Variants in NPSR1 observed in about 807,000 individuals in gnomAD.
NPSR1 encodes neuropeptide S receptor.
In NPSR1, 48 loss-of-function variants were observed where a neutral mutation model predicts 46.9. The ratio of observed to expected loss-of-function variants is 1.02; its 90% confidence interval spans 0.81 to 1.30. The LOEUF (loss-of-function observed/expected upper bound fraction) is 1.30, where lower values mean the gene tolerates loss of function less well. Among genes scored for constraint, NPSR1 ranks in the 50% most tolerant of loss-of-function variants. NPSR1 has a pLI of 0.00. For synonymous variants in NPSR1, 176 were observed against 168.1 expected (o/e 1.05, Z -0.36); for missense variants, 450 against 449.5 (o/e 1.00, Z -0.01).
chr7:34,754,491 A>T (rs569180886), intron 2 of NPSR1, among the ~76,000 whole-genome samples: 1 of 152,276 alleles, frequency 6.6e-6, no homozygotes, highest in South Asian at 2.1e-4. Context: ...CACCCAAATC[A>T]AGAAATGTTA....
chr7:34,855,579 T>C (rs1791031923), intron 8 of NPSR1, among the ~76,000 whole-genome samples: 1 of 152,284 alleles, frequency 6.6e-6, no homozygotes, highest in Non-Finnish European at 1.5e-5. Context: ...AATGTCTTCA[T>C]TGGTGAGCTG....
intron 2 of NPSR1, among the ~76,000 whole-genome samples, chr7:34,724,469 G>A (rs1206853527): frequency 2.6e-5 from 4 of 152,212 alleles, no homozygotes; most frequent in African/African-American, 9.6e-5. Flanking sequence ...GTGAGGAAAA[G>A]GTGGGTTCAG....
intron 3 of NPSR1, among the ~76,000 whole-genome samples, chr7:34,783,190 A>G (rs1787309927): frequency 6.6e-6 from 1 of 152,182 alleles, no homozygotes; most frequent in South Asian, 2.1e-4. Context: ...TCATACTGCT[A>G]TAAGAATGTA....
At chr7:34,689,997 C>T (rs1204905098) in intron 2 of NPSR1, among the ~76,000 whole-genome samples, 1 of 151,486 alleles carries the variant, frequency 6.6e-6, no homozygotes, top group African/African-American at 2.4e-5. Context: ...GATGACATAA[C>T]TGCACAGCAC....
intron 3 of NPSR1, among the ~76,000 whole-genome samples, chr7:34,790,988 A>AT (rs1787786559): frequency 1.1e-5 from 1 of 92,682 alleles, no homozygotes; most frequent in East Asian, 3.2e-4. Flanking sequence ...ATGTTATATT[A>AT]TATATGTTAT....
chr7:34,710,532 G>T (rs916750755), intron 2 of NPSR1, among the ~76,000 whole-genome samples: 8 of 152,156 alleles, frequency 5.3e-5, no homozygotes, highest in African/African-American at 1.9e-4. Flanking sequence ...TAAATGATGG[G>T]CAGGTTTCCC....
chr7:34,810,869 C>A (rs541663709), intron 3 of NPSR1, among the ~76,000 whole-genome samples: 3 of 152,292 alleles, frequency 2.0e-5, no homozygotes, highest in South Asian at 4.1e-4. Context: ...ACTCTGCTTC[C>A]TGGTGTGGAG....
chr7:34,876,320 T>C (rs952586807), intron 8 of NPSR1, among the ~76,000 whole-genome samples: 4 of 152,224 alleles, frequency 2.6e-5, no homozygotes, highest in East Asian at 1.9e-4. Flanking sequence ...CTTATGCTTT[T>C]TGGATCTCAT....
chr7:34,662,732 T>C (rs1365887144), intron 1 of NPSR1, among the ~76,000 whole-genome samples: 1 of 152,196 alleles, frequency 6.6e-6, no homozygotes, highest in Non-Finnish European at 1.5e-5. Context: ...CCAGACCTAG[T>C]GCTCTGCTTT....
intron 2 of NPSR1, among the ~76,000 whole-genome samples, chr7:34,774,534 G>T (rs768161231): frequency 2.6e-5 from 4 of 152,202 alleles, no homozygotes; most frequent in African/African-American, 9.7e-5. Flanking sequence ...ATTATCAGCT[G>T]TTCCATCTTG....
At chr7:34,722,373 GA>G (rs1369846165) in intron 2 of NPSR1, among the ~76,000 whole-genome samples, 3 of 152,108 alleles carry the variant, frequency 2.0e-5, no homozygotes, top group African/African-American at 7.2e-5. Flanking sequence ...TTCTACTTTG[GA>G]AAAATATGTC....
At chr7:34,722,243 CA>C (rs1387758426) in intron 2 of NPSR1, among the ~76,000 whole-genome samples, 1 of 151,906 alleles carries the variant, frequency 6.6e-6, no homozygotes, top group Non-Finnish European at 1.5e-5. Flanking sequence ...CTTATATGGA[CA>C]AAACATACCT....
intron 2 of NPSR1, among the ~76,000 whole-genome samples, chr7:34,776,956 C>T (rs1786991337): frequency 6.6e-6 from 1 of 152,162 alleles, no homozygotes; most frequent in African/African-American, 2.4e-5. Flanking sequence ...AAAATCCTTC[C>T]TACTCCTTCC....
At chr7:34,700,242 AG>A (rs1793751946) in intron 2 of NPSR1, among the ~76,000 whole-genome samples, 2 of 152,160 alleles carry the variant, frequency 1.3e-5, no homozygotes, top group African/African-American at 2.4e-5. Flanking sequence ...GAAGGAAGGA[AG>A]GATATGTTTA....
chr7:34,701,588 G>A (rs547727071), intron 2 of NPSR1, among the ~76,000 whole-genome samples: 151 of 152,274 alleles, frequency 9.9e-4, no homozygotes, highest in Non-Finnish European at 1.9e-3. Context: ...TAATCTGCCT[G>A]TTGTCAGTTT....
At chr7:34,824,071 A>C (rs941316370) in intron 4 of NPSR1, among the ~76,000 whole-genome samples, 13 of 152,234 alleles carry the variant, frequency 8.5e-5, no homozygotes, top group African/African-American at 3.1e-4. Flanking sequence ...AGAGGAAAAA[A>C]ATTAGGTTAC....
At chr7:34,733,479 A>G (rs1054276929) in intron 2 of NPSR1, among the ~76,000 whole-genome samples, 2 of 152,086 alleles carry the variant, frequency 1.3e-5, no homozygotes, top group Non-Finnish European at 2.9e-5. Flanking sequence ...CAAAAGTACT[A>G]TCAAGGCTTT....
chr7:34,689,079 T>C (rs1043576337), intron 2 of NPSR1, among the ~76,000 whole-genome samples: 3 of 152,138 alleles, frequency 2.0e-5, no homozygotes, highest in African/African-American at 7.2e-5. Context: ...CTGCCTGCCA[T>C]TGGGAGAACT....
chr7:34,863,428 T>G (rs1239349466), intron 8 of NPSR1, among the ~76,000 whole-genome samples: 4 of 151,642 alleles, frequency 2.6e-5, no homozygotes, highest in African/African-American at 9.8e-5. Context: ...GAAACTAACA[T>G]CAGAGTGAAC....
Sources: gnomAD v4.1 joint callset for allele counts (sites outside exome capture counted in the v4.1 genomes callset) on GRCh38, gnomAD v4.1.1 for gene constraint, MANE v1.5 for transcripts, NCBI Gene and HGNC (gene_info 2026-07-23, HGNC 2026-07-21) for gene names.